The following MLLT3 variants were observed in gnomAD, a reference collection of about 807,000 sequenced individuals.
MLLT3 encodes the protein protein AF-9.
Under a neutral mutation model 53.2 loss-of-function variants are expected in MLLT3, and 4 were observed. The ratio of observed to expected loss-of-function variants is 0.08; its 90% CI spans 0.04 to 0.17. The LOEUF (loss-of-function observed/expected upper bound fraction) is 0.17. Among genes scored for constraint, MLLT3 ranks in the 10% least tolerant of loss-of-function variants. The pLI, the probability that MLLT3 is intolerant of heterozygous loss-of-function variation, is 1.00. For synonymous variants in MLLT3, 283 were observed against 230.6 expected (o/e 1.23, Z -2.06); for missense variants, 569 against 684.0 (o/e 0.83, Z 1.87).
At chr9:20,359,145 CAAAAAAA>C (rs920197622) in intron 8 of MLLT3, among the ~76,000 whole-genome samples, 37 of 20,956 alleles carry the variant, frequency 1.8e-3, no homozygotes, top group Non-Finnish European at 2.4e-3. Flanking sequence ...AACTCCATCT[CAAAAAAA>C]AAAAAAAAAA....
chr9:20,413,013 T>C (rs1219661762), intron 5 of MLLT3, among the ~76,000 whole-genome samples: 1 of 152,126 alleles, frequency 6.6e-6, no homozygotes, highest in Non-Finnish European at 1.5e-5. Context: ...CTCTTAGGCA[T>C]CCACAAAGGA....
At chr9:20,348,154 T>G (rs955667094) in intron 10 of MLLT3, among the ~76,000 whole-genome samples, 3 of 152,202 alleles carry the variant, frequency 2.0e-5, no homozygotes, top group African/African-American at 7.2e-5. Flanking sequence ...GCCTTAATAT[T>G]AAAATAAGCT....
intron 4 of MLLT3, among the ~76,000 whole-genome samples, chr9:20,424,230 A>C (rs563351594): frequency 7.9e-5 from 12 of 152,272 alleles, no homozygotes; most frequent in African/African-American, 2.9e-4. Context: ...TCTTGTATAC[A>C]TTTCAAGTGG....
intron 2 of MLLT3, among the ~76,000 whole-genome samples, chr9:20,556,451 G>A (rs1272992182): frequency 8.5e-5 from 13 of 152,140 alleles, no homozygotes; most frequent in Non-Finnish European, 2.9e-5. Flanking sequence ...TTGAGAGGCC[G>A]AGGTGGGCGG....
At chr9:20,424,304 T>C (rs1823088277) in intron 4 of MLLT3, among the ~76,000 whole-genome samples, 1 of 152,108 alleles carries the variant, frequency 6.6e-6, no homozygotes, top group South Asian at 2.1e-4. Flanking sequence ...ATTAGTAGAG[T>C]TGTGTTCAGA....
At chr9:20,583,277 C>A (rs776312493) in intron 2 of MLLT3, among the ~76,000 whole-genome samples, 1 of 152,150 alleles carries the variant, frequency 6.6e-6, no homozygotes, top group Non-Finnish European at 1.5e-5. Context: ...CAACTCTGCC[C>A]CTGTGGCTTT....
At chr9:20,427,167 A>G (rs1195177487) in intron 4 of MLLT3, among the ~76,000 whole-genome samples, 1 of 152,186 alleles carries the variant, frequency 6.6e-6, no homozygotes, top group Non-Finnish European at 1.5e-5. Context: ...TACTATAGGG[A>G]AATCATCAAA....
chr9:20,516,463 G>A (rs1471782113), intron 2 of MLLT3, among the ~76,000 whole-genome samples: 3 of 152,062 alleles, frequency 2.0e-5, no homozygotes, highest in Non-Finnish European at 4.4e-5. Flanking sequence ...TACCTGTCAG[G>A]TCCCCCTTGT....
intron 2 of MLLT3, among the ~76,000 whole-genome samples, chr9:20,465,033 T>A (rs898461168): frequency 5.3e-5 from 8 of 152,108 alleles, no homozygotes; most frequent in Non-Finnish European, 1.0e-4. Context: ...TTATATAACC[T>A]ATTTTTTCTT....
At chr9:20,410,150 A>C (rs1202485065) in intron 5 of MLLT3, among the ~76,000 whole-genome samples, 2 of 152,168 alleles carry the variant, frequency 1.3e-5, no homozygotes, top group African/African-American at 4.8e-5. Context: ...AAAGTGACAA[A>C]AGACAAAACT....
At position 20,562,537 on chromosome 9, in the gene MLLT3, C is replaced by T. The variant is rs531653089; in HGVS notation, c.193+58117G>A. On this transcript the variant is annotated intron_variant, in intron 2 of 10. Transcript: ENST00000380338. ...GCACCAGCAAAGATAATTTCAGAGA[C>T]AATTTGGTTAAGCAAATTCAAAAGT... Among the ~76,000 whole-genome samples the T allele has an allele frequency of 5.9e-5, 9 of 152,104 alleles. No homozygotes were observed. In the East Asian group the frequency reaches 1.7e-3, roughly 29 times the overall value.
intron 2 of MLLT3, among the ~76,000 whole-genome samples, chr9:20,559,007 G>T (rs1290701245): frequency 6.6e-6 from 1 of 152,146 alleles, no homozygotes; most frequent in Admixed American, 6.6e-5. Context: ...TGAATGATGA[G>T]GGTAGACTGT....
At chr9:20,559,816 T>A (rs143997293) in intron 2 of MLLT3, among the ~76,000 whole-genome samples, 5 of 152,302 alleles carry the variant, frequency 3.3e-5, no homozygotes, top group Non-Finnish European at 7.3e-5. Flanking sequence ...ATGCACAACA[T>A]AGTTTTGGTA....
At position 20,483,401 on chromosome 9, in the gene MLLT3, C is replaced by CT. The variant is rs111493234; in HGVS notation, c.194-26616dup. ...TACAGGCATGCACCATTACACCTGG[C>CT]TATTTTTTTTTTTAACTTTAAGGAT... On this transcript the variant is annotated intron_variant, in intron 2 of 10. Transcript: ENST00000380338. Among the ~76,000 whole-genome samples the CT allele has an allele frequency of 2.0e-3, 308 of 151,266 alleles. 3 individuals are homozygous for CT. Among genetic ancestry groups the CT allele is most frequent in the African/African-American group, 7.1e-3 (292 of 41,198 alleles).
chr9:20,441,941 G>A (rs945637037), intron 4 of MLLT3, among the ~76,000 whole-genome samples: 1 of 152,056 alleles, frequency 6.6e-6, no homozygotes, highest in African/African-American at 2.4e-5. Context: ...GTTACACATC[G>A]AAGAAAGCCT....
chr9:20,447,472 G>A (rs981781746), intron 4 of MLLT3, among the ~76,000 whole-genome samples: 2 of 152,150 alleles, frequency 1.3e-5, no homozygotes, highest in Admixed American at 6.6e-5. Flanking sequence ...AATCAATAGT[G>A]TTTGTACAGC....
At chr9:20,500,118 G>C (rs924864308) in intron 2 of MLLT3, among the ~76,000 whole-genome samples, 2 of 152,306 alleles carry the variant, frequency 1.3e-5, no homozygotes, top group African/African-American at 4.8e-5. Context: ...TTCTCTGAGG[G>C]TCAGGAACTC....
intron 5 of MLLT3, 137 bp downstream of exon 5, chr9:20,413,584 T>C (rs764366420): frequency 1.2e-5 from 8 of 671,702 alleles, no homozygotes; most frequent in Non-Finnish European, 1.9e-5. Flanking sequence ...AGGAAATGCA[T>C]TTCTAGGCCA....
At chr9:20,391,921 A>G (rs1323307880) in intron 5 of MLLT3, among the ~76,000 whole-genome samples, 2 of 152,220 alleles carry the variant, frequency 1.3e-5, no homozygotes, top group African/African-American at 2.4e-5. Context: ...TTAATATAAT[A>G]AAGCCCAGGT....
Sources: allele counts gnomAD v4.1 joint callset (sites outside exome capture counted in the v4.1 genomes callset), GRCh38; gene constraint gnomAD v4.1.1; transcripts MANE v1.5; gene names NCBI Gene and HGNC (gene_info 2026-07-23, HGNC 2026-07-21).